The following POT1 variants were observed in gnomAD, a reference collection of about 807,000 sequenced individuals.
POT1 encodes protection of telomeres 1.
In POT1, 47 loss-of-function variants were observed where a neutral mutation model predicts 78.5. The observed-to-expected ratio is 0.60, with a 90% CI of 0.47 to 0.76. The LOEUF is 0.76. Among genes scored for constraint, POT1 ranks in the 30% least tolerant of loss-of-function variants. The probability of loss-of-function intolerance (pLI) is 0.00; values close to 1 mark genes in which losing one functional copy is unlikely to be tolerated. For synonymous variants in POT1, 259 were observed against 260.7 expected (o/e 0.99, Z 0.06); for missense variants, 646 against 749.9 (o/e 0.86, Z 1.62).
At chr7:124,865,694 T>C (rs1050376211) in intron 7 of POT1, among the ~76,000 whole-genome samples, 23 of 151,484 alleles carry the variant, frequency 1.5e-4, no homozygotes, top group Admixed American at 1.5e-3. Flanking sequence ...TAAGTTATTT[T>C]ATTTATTAAT....
intron 11 of POT1, among the ~76,000 whole-genome samples, chr7:124,849,762 A>C (rs1423834615): frequency 2.0e-5 from 3 of 152,176 alleles, no homozygotes; most frequent in African/African-American, 7.2e-5. Context: ...CATTATTATT[A>C]TGCAACTATA....
At chr7:124,916,771 G>A (rs147780857) in intron 2 of POT1, among the ~76,000 whole-genome samples, 38 of 152,264 alleles carry the variant, frequency 2.5e-4, no homozygotes, top group African/African-American at 8.9e-4. Flanking sequence ...ATGGTGCAAT[G>A]AAAACACATG....
chr7:124,919,384 A>G (rs920949280), intron 2 of POT1, among the ~76,000 whole-genome samples: 2 of 152,174 alleles, frequency 1.3e-5, no homozygotes, highest in African/African-American at 4.8e-5. Context: ...GAATTAGTAT[A>G]GATATAAAAA....
chr7:124,872,074 A>G (rs1328749831), intron 6 of POT1, among the ~76,000 whole-genome samples: 2 of 152,118 alleles, frequency 1.3e-5, no homozygotes, highest in African/African-American at 4.8e-5. Flanking sequence ...CTCTACTTCT[A>G]TAAGATCAAT....
At chr7:124,825,173 T>C in intron 18 of POT1, 79 bp downstream of exon 18, 1 of 855,626 alleles carries the variant, frequency 1.2e-6, no homozygotes, top group Non-Finnish European at 1.8e-6. Flanking sequence ...TTCAGACTTC[T>C]AAAAGTCCAC....
chr7:124,895,500 G>A (rs2116638197), intron 5 of POT1, among the ~76,000 whole-genome samples: 1 of 151,750 alleles, frequency 6.6e-6, no homozygotes, highest in Non-Finnish European at 1.5e-5. Context: ...CCTGAAGAGA[G>A]AAAGACACCT....
chr7:124,877,840 C>CAAAAAAAAAAAAAAAAAAAAAAAAA (rs201285982), intron 6 of POT1, among the ~76,000 whole-genome samples: 1 of 80,570 alleles, frequency 1.2e-5, no homozygotes. Context: ...GATTCTGTCT[C>CAAAAAAAAAAAAAAAAAAAAAAAAA]AAAAAAAAAA....
intron 3 of POT1, among the ~76,000 whole-genome samples, chr7:124,910,467 A>T (rs1796865121): frequency 6.6e-6 from 1 of 151,996 alleles, no homozygotes; most frequent in Admixed American, 6.6e-5. Flanking sequence ...AATGAAAAAC[A>T]TATACGAAGA....
intron 5 of POT1, among the ~76,000 whole-genome samples, chr7:124,893,223 T>A (rs1796414177): frequency 6.6e-6 from 1 of 151,352 alleles, no homozygotes; most frequent in African/African-American, 2.4e-5. Flanking sequence ...ATTTTTTAAC[T>A]AATATCTCTT....
intron 6 of POT1, among the ~76,000 whole-genome samples, chr7:124,882,225 T>C (rs1796135478): frequency 6.6e-6 from 1 of 151,996 alleles, no homozygotes. Flanking sequence ...CATCTCCTTT[T>C]TATCTACTAA....
intron 6 of POT1, among the ~76,000 whole-genome samples, chr7:124,885,424 A>C (rs1356891225): frequency 3.3e-5 from 5 of 151,342 alleles, no homozygotes; most frequent in Non-Finnish European, 7.4e-5. Flanking sequence ...GTGAGCTATG[A>C]TCTCGGCAGT....
Position 124,835,278 on chromosome 7 carries a change from C to T in POT1, c.1505+1G>A, listed in dbSNP as rs1356126105. 1 of 1,561,978 alleles carries T rather than the reference C, an allele frequency of 6.4e-7. No individual in the cohort carries two copies. Among genetic ancestry groups the T allele is most frequent in the Non-Finnish European group, 8.8e-7 (1 of 1,142,236 alleles). The stretch of plus-strand genomic sequence containing the variant: ...AAACAAAACAAAACAAAACAAAATA[C>T]CCATAGTGATGTATTGTTCCTTGTA... On this transcript the variant is annotated splice_donor_variant, in intron 15 of 18. Coordinates refer to ENST00000357628, the MANE Select transcript of POT1 (RefSeq NM_015450.3). LOFTEE classifies it high-confidence loss of function.
At chr7:124,830,726 T>G (rs1794739303) in intron 15 of POT1, among the ~76,000 whole-genome samples, 1 of 152,086 alleles carries the variant, frequency 6.6e-6, no homozygotes, top group Non-Finnish European at 1.5e-5. Flanking sequence ...AGCTTTTATT[T>G]ATGAGTGACA....
At chr7:124,876,269 T>A (rs1795988164) in intron 6 of POT1, among the ~76,000 whole-genome samples, 1 of 152,242 alleles carries the variant, frequency 6.6e-6, no homozygotes, top group Non-Finnish European at 1.5e-5. Context: ...TAATCTTTAA[T>A]GACTTTATTA....
At chr7:124,929,572 A>C (rs143474252) in intron 1 of POT1, 4 of 152,112 alleles carry the variant, frequency 2.6e-5, no homozygotes, top group African/African-American at 9.7e-5. Context: ...CCCCCAAGCC[A>C]CCTGAGCTCT....
chr7:124,871,105 T>C, intron 6 of POT1, 64 bp from the exon 7 acceptor site: 1 of 1,376,698 alleles, frequency 7.3e-7, no homozygotes, highest in Non-Finnish European at 9.9e-7. Flanking sequence ...AAAATAAGAA[T>C]ATGCTTACTT....
chr7:124,825,222 G>C (rs776266785), intron 18 of POT1, 30 bp downstream of exon 18: 4 of 1,415,850 alleles, frequency 2.8e-6, no homozygotes, highest in Non-Finnish European at 4.0e-6. Flanking sequence ...AGTAAAAGAA[G>C]TGTGGGATTG....
At chr7:124,879,428 C>T (rs1469655898) in intron 6 of POT1, among the ~76,000 whole-genome samples, 1 of 152,094 alleles carries the variant, frequency 6.6e-6, no homozygotes, top group Non-Finnish European at 1.5e-5. Flanking sequence ...CCTGTCTGTG[C>T]CACGGTTTGG....
intron 8 of POT1, among the ~76,000 whole-genome samples, chr7:124,859,934 G>GAAA (rs1795545831): frequency 6.6e-6 from 1 of 151,610 alleles, no homozygotes; most frequent in Non-Finnish European, 1.5e-5. Context: ...GCAAACGATT[G>GAAA]GTATACCACG....
Sources: gnomAD v4.1 joint callset for allele counts (sites outside exome capture counted in the v4.1 genomes callset) on GRCh38, gnomAD v4.1.1 for gene constraint, MANE v1.5 for transcripts, NCBI Gene and HGNC (gene_info 2026-07-23, HGNC 2026-07-21) for gene names.